The following PPP1R9A variants were observed in gnomAD, a reference collection of about 807,000 sequenced individuals.
PPP1R9A encodes protein phosphatase 1 regulatory subunit 9A.
Under a neutral mutation model 141.9 loss-of-function variants are expected in PPP1R9A, and 59 were observed. The ratio of observed to expected loss-of-function variants is 0.42; its 90% CI spans 0.34 to 0.52. The LOEUF (loss-of-function observed/expected upper bound fraction) is 0.52, where lower values mean the gene tolerates loss of function less well. PPP1R9A is among the 20% of genes least tolerant of loss of function. The pLI, the probability that PPP1R9A is intolerant of heterozygous loss-of-function variation, is 0.10. For synonymous variants in PPP1R9A, 500 were observed against 569.7 expected (o/e 0.88, Z 1.74); for missense variants, 1,444 against 1,611.9 (o/e 0.90, Z 1.78).
chr7:95,099,617 A>T (rs1818490145), intron 2 of PPP1R9A, among the ~76,000 whole-genome samples: 1 of 152,132 alleles, frequency 6.6e-6, no homozygotes, highest in African/African-American at 2.4e-5. Context: ...TTTTTCCCTG[A>T]TTACTTTAAT....
chr7:95,273,337 TC>T (rs1802526619), intron 14 of PPP1R9A, among the ~76,000 whole-genome samples: 1 of 151,942 alleles, frequency 6.6e-6, no homozygotes. Context: ...CCCCATGTCC[TC>T]CCCTCCTCTG....
chr7:94,961,964 T>C (rs1465499351), intron 2 of PPP1R9A, among the ~76,000 whole-genome samples: 1 of 151,954 alleles, frequency 6.6e-6, no homozygotes, highest in African/African-American at 2.4e-5. Flanking sequence ...GAGAAATGTA[T>C]TGAATCTACT....
chr7:95,121,987 G>A (rs907972169), intron 4 of PPP1R9A, among the ~76,000 whole-genome samples: 11 of 151,916 alleles, frequency 7.2e-5, no homozygotes, highest in Non-Finnish European at 1.2e-4. Flanking sequence ...CCAAATATAC[G>A]ACTGCTAAAT....
At chr7:95,050,932 A>G (rs1043023443) in intron 2 of PPP1R9A, among the ~76,000 whole-genome samples, 3 of 152,144 alleles carry the variant, frequency 2.0e-5, no homozygotes, top group Admixed American at 6.5e-5. Context: ...ATCAGTGCCA[A>G]ACTTGTTTAC....
At chr7:95,042,449 T>C (rs937053690) in intron 2 of PPP1R9A, among the ~76,000 whole-genome samples, 5 of 152,232 alleles carry the variant, frequency 3.3e-5, no homozygotes, top group African/African-American at 1.2e-4. Flanking sequence ...CTTATGACCT[T>C]GTTTTTGCAT....
intron 2 of PPP1R9A, among the ~76,000 whole-genome samples, chr7:95,095,691 G>A (rs1817924835): frequency 6.6e-6 from 1 of 152,302 alleles, no homozygotes. Context: ...AGTCTTTCCT[G>A]CTTTTTCAGG....
chr7:95,010,959 A>C (rs895073798), intron 2 of PPP1R9A, among the ~76,000 whole-genome samples: 1 of 152,156 alleles, frequency 6.6e-6, no homozygotes, highest in African/African-American at 2.4e-5. Context: ...AAAGTAGGTA[A>C]AAATGATAAA....
intron 5 of PPP1R9A, chr7:95,176,416 C>G (rs1832900604): frequency 1.3e-5 from 2 of 152,080 alleles, no homozygotes; most frequent in African/African-American, 4.8e-5. Context: ...AACCAGAAAA[C>G]CAACTCTGGT....
At chr7:95,024,911 G>A (rs369015688) in intron 2 of PPP1R9A, among the ~76,000 whole-genome samples, 36 of 152,186 alleles carry the variant, frequency 2.4e-4, no homozygotes, top group African/African-American at 6.5e-4. Flanking sequence ...GCAGTGGCTC[G>A]TATCGATTAT....
At chr7:95,289,218 A>T (rs1384399083) in intron 19 of PPP1R9A, among the ~76,000 whole-genome samples, 1 of 151,390 alleles carries the variant, frequency 6.6e-6, no homozygotes, top group Non-Finnish European at 1.5e-5. Flanking sequence ...TTTCATTTCC[A>T]CTTGTCCAGT....
intron 2 of PPP1R9A, among the ~76,000 whole-genome samples, chr7:95,015,452 A>G (rs1804977529): frequency 6.6e-6 from 1 of 152,114 alleles, no homozygotes; most frequent in Non-Finnish European, 1.5e-5. Flanking sequence ...ATGAAATCTC[A>G]CTAGATAGGC....
chr7:94,949,302 T>C (rs990029161), intron 2 of PPP1R9A, among the ~76,000 whole-genome samples: 1 of 152,116 alleles, frequency 6.6e-6, no homozygotes, highest in African/African-American at 2.4e-5. Flanking sequence ...CTCACAGATT[T>C]CCACCATTCT....
intron 5 of PPP1R9A, among the ~76,000 whole-genome samples, chr7:95,183,160 C>G (rs146154708): frequency 6.6e-6 from 1 of 150,574 alleles, no homozygotes; most frequent in Middle Eastern, 3.4e-3. Context: ...TTTTTTGAGA[C>G]AGGGTCTCTC....
At chr7:95,263,932 T>A (rs1157270373) in intron 12 of PPP1R9A, among the ~76,000 whole-genome samples, 5 of 152,328 alleles carry the variant, frequency 3.3e-5, no homozygotes, top group Middle Eastern at 3.4e-3. Context: ...GCATATATAA[T>A]CTTCATAGCA....
rs80209508 is a variant in PPP1R9A, at chr7:95,193,176, T to G, written c.1755-5173T>G. 7.0e-3 allele frequency among the ~76,000 whole-genome samples: 1,071 copies of G among 152,246 alleles called. 29 individuals carry two copies. The highest frequency in any genetic ancestry group is 0.059 in the East Asian group (308 of 5,180). ...TACTTATCAGGATGACATTCTATTA[T>G]TGCAAATCTGTGCTTTAAATTTATT... On this transcript the variant is annotated intron_variant, in intron 5 of 19. Transcript: ENST00000433360.
chr7:95,264,351 A>G (rs933739872), intron 12 of PPP1R9A, among the ~76,000 whole-genome samples: 10 of 152,266 alleles, frequency 6.6e-5, no homozygotes, highest in Non-Finnish European at 1.0e-4. Flanking sequence ...AGCAGACCCC[A>G]TTGTTATGCT....
rs552490860 is a variant in PPP1R9A at position 95,253,789 on chromosome 7, A to G, written c.2665+1659A>G. Among the ~76,000 whole-genome samples, 3 of 152,218 alleles carry G rather than the reference A, an allele frequency of 2.0e-5. No individual in the cohort carries two copies. The East Asian group carries it at 5.8e-4, about 29-fold the overall frequency. On this transcript the variant is annotated intron_variant, in intron 12 of 19. Transcript: ENST00000433360. ...CTATAAGATTGATATCTAAAGAAAA[A>G]CATCAGGAATCAAACCAAATTTTTT...
At position 95,286,407 on chromosome 7, in the gene PPP1R9A, G is replaced by T. The variant is rs570173193; in HGVS notation, c.3729+82G>T. On this transcript the variant is annotated intron_variant, in intron 18 of 19. Coordinates refer to ENST00000433360, the MANE Select transcript of PPP1R9A (RefSeq NM_001166160.2). ...AACCATCACCAGGAAAATGTTTTTA[G>T]GGTAGATATTGCATAGAAATCATCA... The T allele has an allele frequency of 1.9e-5, 29 of 1,564,622 alleles. No homozygotes were observed. The Admixed American group carries it at 2.5e-4, about 13-fold the overall frequency.
At chr7:94,993,134 CT>C (rs1192172807) in intron 2 of PPP1R9A, among the ~76,000 whole-genome samples, 4 of 150,630 alleles carry the variant, frequency 2.7e-5, no homozygotes, top group African/African-American at 9.7e-5. Flanking sequence ...GTTCCTGTAC[CT>C]TTTTTCAAAA....
Sources: allele counts gnomAD v4.1 joint callset (sites outside exome capture counted in the v4.1 genomes callset), GRCh38; gene constraint gnomAD v4.1.1; transcripts MANE v1.5; gene names NCBI Gene and HGNC (gene_info 2026-07-23, HGNC 2026-07-21).